Variants in SNX13 observed in about 807,000 individuals in gnomAD.
The protein encoded by SNX13 is sorting nexin-13.
SNX13 carries 45 observed loss-of-function variants against 133.6 expected under a neutral mutation model. The ratio of observed to expected loss-of-function variants is 0.34; its 90% CI spans 0.27 to 0.43. SNX13 has a LOEUF of 0.43. SNX13 is among the 20% of genes least tolerant of loss of function. The pLI is 1.00. For synonymous variants in SNX13, 414 were observed against 373.9 expected (o/e 1.11, Z -1.24); for missense variants, 1,032 against 1,145.1 (o/e 0.90, Z 1.43).
At chr7:17,904,688 C>A (rs1798207257) in intron 1 of SNX13, among the ~76,000 whole-genome samples, 1 of 152,116 alleles carries the variant, frequency 6.6e-6, no homozygotes, top group Non-Finnish European at 1.5e-5. Context: ...CCAAACAGGG[C>A]TAAGAATCTT....
intron 17 of SNX13, among the ~76,000 whole-genome samples, chr7:17,823,840 T>C (rs995561901): frequency 1.3e-5 from 2 of 152,070 alleles, no homozygotes; most frequent in East Asian, 1.9e-4. Context: ...CAGAGGCCAA[T>C]TAGGCAGCTA....
intron 20 of SNX13, among the ~76,000 whole-genome samples, chr7:17,813,876 G>A (rs1286721100): frequency 1.3e-5 from 2 of 152,074 alleles, no homozygotes; most frequent in Non-Finnish European, 2.9e-5. Flanking sequence ...ATGAGCCACT[G>A]TGCTTGGCCC....
At chr7:17,876,180 C>G (rs1794702233) in intron 5 of SNX13, among the ~76,000 whole-genome samples, 1 of 152,184 alleles carries the variant, frequency 6.6e-6, no homozygotes, top group South Asian at 2.1e-4. Flanking sequence ...AAGAGCATTT[C>G]AAACATTTCT....
intron 8 of SNX13, among the ~76,000 whole-genome samples, chr7:17,871,268 G>C (rs1794088194): frequency 2.0e-5 from 3 of 152,174 alleles, no homozygotes; most frequent in African/African-American, 4.8e-5. Context: ...GCCTCTCAAA[G>C]TGCTGGGATC....
intron 21 of SNX13, among the ~76,000 whole-genome samples, chr7:17,802,509 A>ACT (rs1784747316): frequency 1.3e-5 from 2 of 152,184 alleles, no homozygotes; most frequent in Non-Finnish European, 2.9e-5. Flanking sequence ...GATGACAAAG[A>ACT]GGCCTAGAAA....
At chr7:17,808,484 G>A (rs1224485972) in intron 20 of SNX13, among the ~76,000 whole-genome samples, 1 of 152,202 alleles carries the variant, frequency 6.6e-6, no homozygotes. Flanking sequence ...TTTGATTGCT[G>A]TACCTGAAAG....
chr7:17,928,289 G>A (rs1800993358), intron 1 of SNX13, among the ~76,000 whole-genome samples: 3 of 152,140 alleles, frequency 2.0e-5, no homozygotes, highest in Non-Finnish European at 4.4e-5. Flanking sequence ...GGGCCCAGGA[G>A]TTTGATTCCA....
At chr7:17,877,343 C>T (rs1362653333) in intron 5 of SNX13, among the ~76,000 whole-genome samples, 1 of 151,862 alleles carries the variant, frequency 6.6e-6, no homozygotes, top group Non-Finnish European at 1.5e-5. Flanking sequence ...AAAATAAAAA[C>T]TTAAACCTAG....
intron 20 of SNX13, among the ~76,000 whole-genome samples, chr7:17,806,243 T>C (rs1182389144): frequency 1.3e-5 from 2 of 152,176 alleles, no homozygotes; most frequent in Admixed American, 6.5e-5. Flanking sequence ...AGAAAGATAC[T>C]GTGTACAAAG....
chr7:17,845,801 A>G, intron 11 of SNX13, 107 bp from the exon 12 acceptor site: 1 of 696,286 alleles, frequency 1.4e-6, no homozygotes, highest in Non-Finnish European at 2.3e-6. Context: ...AGTAAAGATG[A>G]AGTTTTTCCC....
chr7:17,901,846 G>A (rs1245262261), intron 1 of SNX13, among the ~76,000 whole-genome samples: 1 of 152,136 alleles, frequency 6.6e-6, no homozygotes, highest in Non-Finnish European at 1.5e-5. Flanking sequence ...TTGTTCCTGT[G>A]GAGAGGACAA....
chr7:17,879,318 C>G (rs1005415469), intron 5 of SNX13: 1 of 152,388 alleles, frequency 6.6e-6, no homozygotes, highest in Non-Finnish European at 1.5e-5. Flanking sequence ...GATCCTCCTA[C>G]CTCAGCCTTC....
intron 15 of SNX13, among the ~76,000 whole-genome samples, chr7:17,833,762 T>G (rs1583409648): frequency 6.6e-6 from 1 of 151,652 alleles, no homozygotes; most frequent in South Asian, 2.1e-4. Context: ...TGTTACTTAC[T>G]CCCAAAAGGG....
At chr7:17,929,687 T>C (rs1227587541) in intron 1 of SNX13, among the ~76,000 whole-genome samples, 1 of 152,198 alleles carries the variant, frequency 6.6e-6, no homozygotes, top group Non-Finnish European at 1.5e-5. Context: ...TTCAAAAGCA[T>C]AATATGCAAG....
At chr7:17,884,420 C>T (rs902265307) in intron 5 of SNX13, among the ~76,000 whole-genome samples, 18 of 152,096 alleles carry the variant, frequency 1.2e-4, no homozygotes, top group African/African-American at 4.3e-4. Flanking sequence ...AATTTATTTG[C>T]CATTTTTCTT....
intron 8 of SNX13, among the ~76,000 whole-genome samples, chr7:17,871,013 T>TC (rs1184850556): frequency 1.3e-4 from 20 of 151,694 alleles, no homozygotes; most frequent in Non-Finnish European, 2.7e-4. Flanking sequence ...TTTTTTTTTT[T>TC]CTTTTTTTTT....
intron 22 of SNX13, among the ~76,000 whole-genome samples, chr7:17,800,254 AC>A (rs1337329159): frequency 1.3e-5 from 2 of 151,810 alleles, no homozygotes; most frequent in Non-Finnish European, 3.0e-5. Flanking sequence ...ATCTTGAAAA[AC>A]CAAATGAAAA....
intron 20 of SNX13, among the ~76,000 whole-genome samples, chr7:17,805,156 G>A (rs1049477494): frequency 2.6e-5 from 4 of 151,584 alleles, no homozygotes; most frequent in African/African-American, 9.7e-5. Flanking sequence ...CACTGGTGGA[G>A]AGAAACATAA....
chr7:17,923,896 C>A (rs1800427618), intron 1 of SNX13, among the ~76,000 whole-genome samples: 1 of 152,068 alleles, frequency 6.6e-6, no homozygotes, highest in Admixed American at 6.6e-5. Context: ...GCCCTCAAAT[C>A]CTCAATAAAA....
Sources: gnomAD v4.1 joint callset for allele counts (sites outside exome capture counted in the v4.1 genomes callset) on GRCh38, gnomAD v4.1.1 for gene constraint, MANE v1.5 for transcripts, NCBI Gene and HGNC (gene_info 2026-07-23, HGNC 2026-07-21) for gene names.